FARP1: variants seen among roughly 807,000 people sequenced by gnomAD.
The protein encoded by FARP1 is FERM, ARHGEF and pleckstrin domain-containing protein 1.
FARP1 carries 52 observed loss-of-function variants against 128.8 expected under a neutral mutation model. The ratio of observed to expected loss-of-function variants is 0.40; its 90% CI spans 0.32 to 0.51. FARP1 has a LOEUF of 0.51. FARP1 is among the 20% of genes least tolerant of loss of function. The pLI, the probability that FARP1 is intolerant of heterozygous loss-of-function variation, is 0.45. For missense variants in FARP1, 1,333 were observed against 1,367.9 expected (o/e 0.97, Z 0.40); for synonymous variants, 580 against 551.8 (o/e 1.05, Z -0.72).
At chr13:98,415,378 T>C (rs1269819971) in intron 16 of FARP1, among the ~76,000 whole-genome samples, 1 of 152,212 alleles carries the variant, frequency 6.6e-6, no homozygotes, top group Non-Finnish European at 1.5e-5. Flanking sequence ...TTGCATGCCA[T>C]AGACTGGTTA....
At chr13:98,409,911 A>C (rs188991160) in intron 14 of FARP1, among the ~76,000 whole-genome samples, 2 of 152,342 alleles carry the variant, frequency 1.3e-5, no homozygotes, top group African/African-American at 4.8e-5. Context: ...TGGATCATCC[A>C]TATGTAGCAT....
At position 98,388,464 on chromosome 13, in the gene FARP1, C is replaced by T. The variant is rs202040460; in HGVS notation, c.841C>T (p.Arg281Trp). Residue 281 changes from arginine to tryptophan, a missense_variant, in exon 9 of 27, where the codon CGG becomes TGG. Arg to Trp is a moderately radical substitution (Grantham distance 101, BLOSUM62 -3). Around this residue, in one of 2 missense-constraint regions of FARP1, gnomAD observed 324 missense variants for 398.1 expected, o/e 0.81. Transcript: ENST00000319562. Reference protein sequence around the residue: ...FKRKRFLIKLRPDANSAYQDT... With the variant: ...FKRKRFLIKLWPDANSAYQDT... ...GAGGAAGCGCTTTCTCATCAAGCTC[C>T]GGCCAGATGCCAATGTAAGTGGTCC... The T allele has an allele frequency of 3.2e-5, 52 of 1,613,424 alleles. No individual in the cohort carries two copies. The highest frequency in any genetic ancestry group is 2.0e-4 in the East Asian group (9 of 44,894).
At chr13:98,439,940 G>A (rs759966240) in intron 21 of FARP1, 21 bp from the exon 22 acceptor site, 5 of 1,522,596 alleles carry the variant, frequency 3.3e-6, no homozygotes, top group Admixed American at 2.0e-5. Flanking sequence ...TCATGGTGAC[G>A]TTATCTTCTC....
intron 1 of FARP1, among the ~76,000 whole-genome samples, chr13:98,145,364 T>G (rs1483001621): frequency 6.6e-6 from 1 of 152,216 alleles, no homozygotes; most frequent in African/African-American, 2.4e-5. Context: ...CCTTTCACAT[T>G]GATATTCTCT....
At chr13:98,415,027 G>A (rs1223293168) in intron 16 of FARP1, among the ~76,000 whole-genome samples, 1 of 152,238 alleles carries the variant, frequency 6.6e-6, no homozygotes, top group Non-Finnish European at 1.5e-5. Context: ...CCTAAGTGCA[G>A]CGTGGCAGTG....
At chr13:98,230,748 C>T (rs754489957) in intron 2 of FARP1, among the ~76,000 whole-genome samples, 14 of 152,062 alleles carry the variant, frequency 9.2e-5, no homozygotes, top group South Asian at 2.1e-4. Context: ...GAAGGATCTA[C>T]GGGTAAAGGA....
chr13:98,441,847 G>A (rs1359830580), intron 24 of FARP1, among the ~76,000 whole-genome samples: 1 of 152,118 alleles, frequency 6.6e-6, no homozygotes, highest in Non-Finnish European at 1.5e-5. Context: ...TCACTTCAGG[G>A]TATTGTTTTC....
chr13:98,230,318 G>A (rs1258223656), intron 2 of FARP1, among the ~76,000 whole-genome samples: 1 of 152,124 alleles, frequency 6.6e-6, no homozygotes, highest in Non-Finnish European at 1.5e-5. Flanking sequence ...AACCCTCCGA[G>A]TTCCTTAGTA....
chr13:98,222,837 C>A (rs1206104610), intron 2 of FARP1, among the ~76,000 whole-genome samples: 6 of 146,928 alleles, frequency 4.1e-5, no homozygotes, highest in Admixed American at 6.9e-5. Context: ...GGGGTTTCAC[C>A]ATGTTGGCCA....
intron 5 of FARP1, among the ~76,000 whole-genome samples, chr13:98,369,514 G>T (rs945345189): frequency 6.8e-6 from 1 of 146,886 alleles, no homozygotes. Context: ...ATCCCTCCCC[G>T]CTCCCCCCAC....
intron 19 of FARP1, 115 bp from the exon 20 acceptor site, chr13:98,438,689 C>A: frequency 5.1e-6 from 4 of 786,232 alleles, no homozygotes; most frequent in Non-Finnish European, 8.7e-6. Context: ...GGGGTCTGCA[C>A]GCTCGCAGTC....
In FARP1 at chr13:98,453,057, G is replaced by A. The variant is rs769847398; in HGVS notation, c.*4740G>A. The A allele has an allele frequency of 8.2e-5, 98 of 1,197,262 alleles. 1 individual carries two copies. Among genetic ancestry groups the A allele is most frequent in the Non-Finnish European group, 1.0e-4 (87 of 833,942 alleles). The allele number at this position is 1,197,262 out of a possible 1,614,324, so 74.2% of individuals were successfully genotyped here. A position where few individuals can be genotyped will look rare whatever the true frequency, so the allele number is the denominator to read the frequency against. The stretch of plus-strand genomic sequence containing the variant: ...TGGACGGGCGCCTGGCGCTGGGGTG[G>A]CTCCCAGTGGCGCACCTCTTCGGTG... On this transcript the variant is annotated 3_prime_UTR_variant, in exon 27 of 27. Transcript: ENST00000319562.
At chr13:98,225,739 T>C (rs958645358) in intron 2 of FARP1, among the ~76,000 whole-genome samples, 2 of 152,238 alleles carry the variant, frequency 1.3e-5, no homozygotes, top group Non-Finnish European at 2.9e-5. Context: ...TGTTAGAGTC[T>C]TTATGTGGGT....
rs927318798 is a variant in FARP1 at position 98,453,090 on chromosome 13, C to T, written c.*4773C>T. On this transcript the variant is annotated 3_prime_UTR_variant, in exon 27 of 27. Coordinates refer to ENST00000319562, the MANE Select transcript of FARP1 (RefSeq NM_005766.4). ...TGGCGCACCTCTTCGGTGGAGTCAG[C>T]GAAGGCTCTCGTTGACTTTTAAAAA... The T allele has an allele frequency of 6.2e-5, 95 of 1,543,494 alleles. 1 individual carries two copies. The highest frequency in any genetic ancestry group is 2.2e-4 in the Middle Eastern group (1 of 4,634).
chr13:98,312,175 C>G (rs1325203386), intron 2 of FARP1, among the ~76,000 whole-genome samples: 1 of 122,218 alleles, frequency 8.2e-6, no homozygotes, highest in Non-Finnish European at 1.6e-5. Context: ...GAGTCTCGCT[C>G]TGTCGCCCAG....
At chr13:98,302,865 A>G (rs534241796) in intron 2 of FARP1, among the ~76,000 whole-genome samples, 90 of 152,262 alleles carry the variant, frequency 5.9e-4, no homozygotes, top group Middle Eastern at 3.4e-3. Context: ...CAATAAGCCC[A>G]TTTGGGCAAG....
chr13:98,433,935 G>A (rs1430386911), intron 18 of FARP1: 2 of 152,388 alleles, frequency 1.3e-5, no homozygotes, highest in Admixed American at 6.5e-5. Flanking sequence ...AAAGGACCCA[G>A]GGCCCCTCCT....
chr13:98,295,149 G>A (rs632810), intron 2 of FARP1, among the ~76,000 whole-genome samples: 133,422 of 149,552 alleles, frequency 0.89, 59,596 homozygotes, highest in East Asian at 1. Flanking sequence ...TTGCAAGTCT[G>A]TCTACTTACA....
chr13:98,167,949 G>T (rs1471338163), intron 1 of FARP1, among the ~76,000 whole-genome samples: 1 of 151,386 alleles, frequency 6.6e-6, no homozygotes, highest in Non-Finnish European at 1.5e-5. Context: ...GAGGTGGGTG[G>T]ATCACGAGGT....
Sources: gnomAD v4.1 joint callset for allele counts (sites outside exome capture counted in the v4.1 genomes callset) on GRCh38, gnomAD v4.1.1 for gene constraint, gnomAD v4.1.1 regional missense constraint, MANE v1.5 for transcripts, NCBI Gene and HGNC (gene_info 2026-07-23, HGNC 2026-07-21) for gene names.